The following PRDM2 variants were observed in gnomAD, a reference collection of about 807,000 sequenced individuals.
The protein encoded by PRDM2 is PR domain zinc finger protein 2.
In PRDM2, 30 loss-of-function variants were observed where a neutral mutation model predicts 130.0. That is an observed-to-expected ratio of 0.23 (90% CI 0.17 to 0.31). The LOEUF is 0.31. PRDM2 is among the 10% of genes least tolerant of loss of function. The pLI is 1.00. For missense variants in PRDM2, 2,011 were observed against 2,108.4 expected, an observed-to-expected ratio of 0.95 and a Z score of 0.90; for synonymous variants, 871 against 782.4, an observed-to-expected ratio of 1.11 and a Z score of -1.89.
chr1:13,756,741 A>G (rs1454838759), intron 6 of PRDM2, among the ~76,000 whole-genome samples: 4 of 152,194 alleles, frequency 2.6e-5, no homozygotes, highest in Non-Finnish European at 5.9e-5. Context: ...ACATCATGTC[A>G]TTATGCCATG....
In PRDM2 at chr1:13,780,934, G is replaced by A. The variant is rs868416848; in HGVS notation, c.3139G>A (p.Gly1047Arg). ...GCCCCTGATGTCTGCCGCCTCACCC[G>A]GGCCTCCAACACTTTCTTCTTCCTC... ...VEPLMSAASPGPPTLSSSSSS... is the reference protein window; with the variant it reads ...VEPLMSAASPRPPTLSSSSSS... The change falls in exon 8 of 10, where the codon GGG becomes AGG. Residue 1047 changes from glycine to arginine, a missense_variant. Gly to Arg is a moderately radical substitution (Grantham distance 125). Around this residue, in one of 5 missense-constraint regions of PRDM2, gnomAD observed 1,288 missense variants for 1,237.7 expected, o/e 1.04. Coordinates refer to ENST00000311066, the MANE Select transcript of PRDM2 (RefSeq NM_001393986.1). 1.1e-5 allele frequency: 17 copies of A among 1,610,750 alleles called. No homozygotes were observed. The highest frequency in any genetic ancestry group is 1.4e-5 in the Non-Finnish European group (16 of 1,178,184).
At chr1:13,756,135 C>T (rs996680599) in intron 6 of PRDM2, among the ~76,000 whole-genome samples, 1 of 149,834 alleles carries the variant, frequency 6.7e-6, no homozygotes, top group Non-Finnish European at 1.5e-5. Context: ...TGGTGGCGGG[C>T]GCCTGTAGTC....
At position 13,780,574 on chromosome 1, in the gene PRDM2, C is replaced by T; in HGVS notation, c.2779C>T (p.Leu927Phe). 1.9e-6 allele frequency: 3 copies of T among 1,614,176 alleles called. No individual in the cohort carries two copies. The highest frequency in any genetic ancestry group is 1.1e-5 in the South Asian group (1 of 91,086). Reference protein sequence around the residue: ...KSLEAQPDPDLGPGSGFPAPT... With the variant: ...KSLEAQPDPDFGPGSGFPAPT... Reference sequence around the variant, plus strand: ...CCTAGAAGCTCAGCCAGATCCTGACCTCGGTCCGGGCTCTGGTTTCCCTGC... The same window carrying T: ...CCTAGAAGCTCAGCCAGATCCTGACTTCGGTCCGGGCTCTGGTTTCCCTGC... Residue 927 changes from leucine (L) to phenylalanine (F), a missense_variant, in exon 8 of 10, where the codon CTC (leucine) becomes TTC (phenylalanine). By Grantham distance (22) the Leu-to-Phe change is conservative. Around this residue, in one of 5 missense-constraint regions of PRDM2, gnomAD observed 1,288 missense variants for 1,237.7 expected, o/e 1.04. Transcript: ENST00000311066.
chr1:13,815,644 G>A lies in PRDM2; in HGVS notation c.5037-783G>A, dbSNP rs184593577. Among the ~76,000 whole-genome samples the A allele has an allele frequency of 4.5e-3, 684 of 152,280 alleles. 3 individuals are homozygous for A. Among genetic ancestry groups the A allele is most frequent in the Non-Finnish European group, 7.7e-3 (523 of 68,020 alleles). The stretch of plus-strand genomic sequence containing the variant: ...CAGCTGGGCTATGAAAGAGAAGTAC[G>A]AGTTAGCTGAGTGACGAAAGGAGAG... On this transcript the variant is annotated intron_variant, in intron 8 of 9. Transcript: ENST00000311066.
At chr1:13,770,880 A>G (rs1234759130) in intron 6 of PRDM2, among the ~76,000 whole-genome samples, 2 of 152,212 alleles carry the variant, frequency 1.3e-5, no homozygotes, top group Non-Finnish European at 2.9e-5. Context: ...TTCCTCACAC[A>G]TCAGTTGCAG....
At position 13,779,317 on chromosome 1, in the gene PRDM2, C is replaced by T. The variant is rs773713662; in HGVS notation, c.1522C>T (p.Arg508Cys). The T allele has an allele frequency of 1.2e-5, 19 of 1,613,936 alleles. No homozygotes were observed. The highest frequency in any genetic ancestry group is 3.3e-5 in the Admixed American group (2 of 60,002). The change falls in exon 8 of 10, where the codon CGT becomes TGT. Residue 508 changes from arginine (R) to cysteine (C), a missense_variant. Coordinates refer to ENST00000311066, the MANE Select transcript of PRDM2 (RefSeq NM_001393986.1). The surrounding 1 kb of genome is among the most constrained non-coding windows in gnomAD (Gnocchi z 4.9). ...ACGGCATCAGCGTAGAGTTCACGAA[C>T]GTCATCTGATTCCCAAAGGTGTACG... is the stretch of plus-strand genomic sequence containing the variant. ...MRRHQRRVHE[R>C]HLIPKGVRRK...
At position 13,779,146 on chromosome 1, in the gene PRDM2, C is replaced by G. The variant is rs369571077; in HGVS notation, c.1351C>G (p.Leu451Val). 1 of 1,614,070 alleles carries G rather than the reference C, an allele frequency of 6.2e-7. No homozygotes were observed. Among genetic ancestry groups the G allele is most frequent in the African/African-American group, 1.3e-5 (1 of 74,922 alleles). Residue 451 changes from leucine (L) to valine (V), a missense_variant, in exon 8 of 10, where the codon CTT (leucine) becomes GTT (valine). Coordinates refer to ENST00000311066, the MANE Select transcript of PRDM2 (RefSeq NM_001393986.1). The surrounding 1 kb of genome is among the most constrained non-coding windows in gnomAD (Gnocchi z 4.9). ...AAAAGATGATTCGAGTCCTCCCAGT[C>G]TTGGGCCAGACTGTCTGATCATGAA... ...ASKDDSSPPS[L>V]GPDCLIMNSE...
intron 8 of PRDM2, among the ~76,000 whole-genome samples, chr1:13,792,482 A>C (rs116702257): frequency 0.015 from 2,220 of 152,312 alleles, 37 homozygotes; most frequent in South Asian, 0.083. Context: ...CCTTGCGGTA[A>C]CATTCTCTTC....
chr1:13,752,182 T>C (rs945919561), intron 6 of PRDM2, among the ~76,000 whole-genome samples: 2 of 152,210 alleles, frequency 1.3e-5, no homozygotes, highest in African/African-American at 4.8e-5. Flanking sequence ...TGATTGGCAA[T>C]GACTCACACA....
chr1:13,756,168 C>T (rs1253826325), intron 6 of PRDM2, among the ~76,000 whole-genome samples: 1 of 149,682 alleles, frequency 6.7e-6, no homozygotes, highest in African/African-American at 2.5e-5. Flanking sequence ...GAGGCTGAGG[C>T]AGGAGAATGG....
chr1:13,753,593 G>T (rs1053415764), intron 6 of PRDM2, among the ~76,000 whole-genome samples: 3 of 152,188 alleles, frequency 2.0e-5, no homozygotes, highest in African/African-American at 7.2e-5. Flanking sequence ...ATATAGGGAG[G>T]TAAGACAGCC....
At position 13,742,097 on chromosome 1, in the gene PRDM2, A is replaced by G. The variant is rs763904958; in HGVS notation, c.324A>G (p.Gly108=). The G allele has an allele frequency of 4.0e-5, 64 of 1,613,508 alleles. No homozygotes were observed. Among genetic ancestry groups the G allele is most frequent in the Non-Finnish European group, 5.0e-5 (59 of 1,179,500 alleles). The change falls in exon 5 of 10, where the codon GGA becomes GGG. Residue 108 remains glycine (G), a synonymous_variant. Transcript: ENST00000311066. ...GATATGTGAATTGGGCTTGCTCAGG[A>G]GAAGAGCAAAATTTATTCCCACTGG... ...WLRYVNWACS[G]EEQNLFPLEI... is the part of the protein sequence containing the mutation.
At chr1:13,752,286 T>A (rs1015844055) in intron 6 of PRDM2, among the ~76,000 whole-genome samples, 3 of 152,246 alleles carry the variant, frequency 2.0e-5, no homozygotes, top group African/African-American at 7.2e-5. Context: ...GGGCCAAAGA[T>A]GGATATACAT....
At chr1:13,823,052 C>A in intron 9 of PRDM2, 107 bp from the exon 10 acceptor site, 1 of 1,132,098 alleles carries the variant, frequency 8.8e-7, no homozygotes, top group Non-Finnish European at 1.3e-6. Flanking sequence ...TGGTATGTTT[C>A]AATAAACAGT....
At chr1:13,706,845 T>A (rs1642225623) in intron 1 of PRDM2, among the ~76,000 whole-genome samples, 1 of 152,160 alleles carries the variant, frequency 6.6e-6, no homozygotes, top group South Asian at 2.1e-4. Flanking sequence ...TAGAATAGTG[T>A]ACACACTTTG....
chr1:13,777,892 T>C (rs1557643998), intron 7 of PRDM2, among the ~76,000 whole-genome samples: 1 of 151,998 alleles, frequency 6.6e-6, no homozygotes, highest in Non-Finnish European at 1.5e-5. Flanking sequence ...TTCTGGAAAA[T>C]GTTCTAGCTT....
At chr1:13,765,654 A>G (rs1372681355) in intron 6 of PRDM2, among the ~76,000 whole-genome samples, 2 of 152,036 alleles carry the variant, frequency 1.3e-5, no homozygotes, top group African/African-American at 4.8e-5. Flanking sequence ...TTTAGTAGAG[A>G]TGGGATTTCA....
At chr1:13,799,459 AAGTG>A (rs913945094) in intron 8 of PRDM2, among the ~76,000 whole-genome samples, 5 of 152,214 alleles carry the variant, frequency 3.3e-5, no homozygotes, top group East Asian at 1.9e-4. Flanking sequence ...AAAAAAAAAA[AAGTG>A]AGAACATTTT....
At chr1:13,784,399 C>T (rs1396775987) in intron 8 of PRDM2, among the ~76,000 whole-genome samples, 2 of 152,188 alleles carry the variant, frequency 1.3e-5, no homozygotes, top group African/African-American at 4.8e-5. Context: ...TATAAAACAC[C>T]TCCCAGGCGG....
Sources: gnomAD v4.1 joint callset for allele counts (sites outside exome capture counted in the v4.1 genomes callset) on GRCh38, gnomAD v4.1.1 for gene constraint, gnomAD v4.1.1 regional missense constraint, Gnocchi (gnomAD v3.1) non-coding constraint, MANE v1.5 for transcripts, NCBI Gene and HGNC (gene_info 2026-07-23, HGNC 2026-07-21) for gene names.